Variants in FAM118A observed in about 807,000 individuals in gnomAD.
FAM118A encodes protein FAM118A.
Under a neutral mutation model 38.2 loss-of-function variants are expected in FAM118A, and 25 were observed. The observed-to-expected ratio is 0.65, with a 90% CI of 0.48 to 0.91. The LOEUF (loss-of-function observed/expected upper bound fraction) is 0.91. FAM118A is among the 40% of genes least tolerant of loss of function. The pLI is 0.00. For missense variants in FAM118A, 425 were observed against 463.3 expected (o/e 0.92, Z 0.76); for synonymous variants, 178 against 184.1 (o/e 0.97, Z 0.27).
At chr22:45,311,312 A>T (rs1358890003) in intron 1 of FAM118A, among the ~76,000 whole-genome samples, 1 of 152,126 alleles carries the variant, frequency 6.6e-6, no homozygotes, top group Non-Finnish European at 1.5e-5. Flanking sequence ...ACACCTAATG[A>T]AGGTGGCGTG....
intron 1 of FAM118A, among the ~76,000 whole-genome samples, chr22:45,320,378 A>G (rs1289346887): frequency 1.4e-5 from 2 of 147,718 alleles, no homozygotes; most frequent in Non-Finnish European, 3.0e-5. Context: ...GCGAGACTCC[A>G]TCAAAAAAAA....
intron 6 of FAM118A, among the ~76,000 whole-genome samples, chr22:45,333,833 C>T (rs1029478340): frequency 6.6e-6 from 1 of 152,090 alleles, no homozygotes; most frequent in Admixed American, 6.6e-5. Flanking sequence ...GAGGAAGACC[C>T]TGTCTCTAAA....
intron 1 of FAM118A, among the ~76,000 whole-genome samples, chr22:45,317,382 A>G (rs2084652547): frequency 6.6e-6 from 1 of 152,218 alleles, no homozygotes. Context: ...TCACTCTCAA[A>G]ACACACAGAA....
At position 45,340,699 on chromosome 22, in the gene FAM118A, C is replaced by T. The variant is rs1008545705; in HGVS notation, c.*294C>T. On this transcript the variant is annotated 3_prime_UTR_variant, in exon 9 of 9. Coordinates refer to ENST00000441876, the MANE Select transcript of FAM118A (RefSeq NM_017911.4). ...AGGGATGGACCTGGTGTTCCCGTTCCCATCTGACAGGCTCTCTTTTGTCAA... is the reference window on the plus strand; with the variant it reads ...AGGGATGGACCTGGTGTTCCCGTTCTCATCTGACAGGCTCTCTTTTGTCAA... 3.3e-4 allele frequency: 152 copies of T among 465,884 alleles called. 1 individual carries two copies. The highest frequency in any genetic ancestry group is 1.8e-4 in the Admixed American group (5 of 27,120). The allele number at this position is 465,884 out of a possible 1,614,324, so 28.9% of individuals were successfully genotyped here.
intron 1 of FAM118A, among the ~76,000 whole-genome samples, chr22:45,314,855 C>T (rs1035779432): frequency 2.6e-5 from 4 of 152,160 alleles, no homozygotes; most frequent in African/African-American, 9.7e-5. Context: ...AGTAAAATAT[C>T]AGGTATATTT....
chr22:45,310,021 C>T lies in FAM118A; in HGVS notation c.-172C>T, dbSNP rs1042828220. ...GCTCCGACTCCGGCTCTCGCTCTCG[C>T]TTCTAGCCCGCGTGCCTGCGCAGTC... On this transcript the variant is annotated 5_prime_UTR_variant, in exon 1 of 9. Coordinates refer to ENST00000441876, the MANE Select transcript of FAM118A (RefSeq NM_017911.4). The T allele has an allele frequency of 6.6e-6, 1 of 152,230 alleles. No homozygotes were observed. The highest frequency in any genetic ancestry group is 1.5e-5 in the Non-Finnish European group (1 of 68,060). The allele number at this position is 152,230 out of a possible 1,614,324, so 9.4% of individuals were successfully genotyped here. A position where few individuals can be genotyped will look rare whatever the true frequency, so the allele number is the denominator to read the frequency against.
At chr22:45,325,816 C>T (rs1253914843) in intron 3 of FAM118A, among the ~76,000 whole-genome samples, 2 of 152,198 alleles carry the variant, frequency 1.3e-5, no homozygotes, top group Admixed American at 6.5e-5. Context: ...TGGAGAGACT[C>T]AGCCCTCACC....
chr22:45,312,960 G>A (rs182146539), intron 1 of FAM118A, among the ~76,000 whole-genome samples: 2 of 152,212 alleles, frequency 1.3e-5, no homozygotes, highest in Admixed American at 6.5e-5. Context: ...GGTGATCAAC[G>A]TAATCTTTAG....
chr22:45,333,925 T>C (rs1307429861), intron 6 of FAM118A, among the ~76,000 whole-genome samples: 1 of 152,224 alleles, frequency 6.6e-6, no homozygotes, highest in East Asian at 1.9e-4. Context: ...TCAGGTTTCC[T>C]TAACCAAGAA....
chr22:45,340,084 G>T (rs545007263), intron 8 of FAM118A, among the ~76,000 whole-genome samples: 10 of 152,342 alleles, frequency 6.6e-5, no homozygotes, highest in Admixed American at 5.9e-4. Context: ...CTCACTGTAT[G>T]TTTGTTGAAA....
chr22:45,333,372 T>G (rs890199780), intron 6 of FAM118A, among the ~76,000 whole-genome samples: 4 of 151,378 alleles, frequency 2.6e-5, no homozygotes, highest in African/African-American at 9.7e-5. Flanking sequence ...CAAAAATGTT[T>G]TTAAAAATTA....
At chr22:45,335,507 C>A in intron 7 of FAM118A, 125 bp downstream of exon 7, 2 of 1,084,802 alleles carry the variant, frequency 1.8e-6, no homozygotes, top group Non-Finnish European at 2.7e-6. Flanking sequence ...ATTAAAACAG[C>A]CCCACTGAAG....
intron 8 of FAM118A, among the ~76,000 whole-genome samples, chr22:45,339,858 G>C (rs1024788093): frequency 2.0e-5 from 3 of 152,158 alleles, no homozygotes; most frequent in Non-Finnish European, 4.4e-5. Context: ...TTGGGCAGGG[G>C]TTTTCTTCAA....
At chr22:45,323,718 T>C (rs1029913751) in intron 3 of FAM118A, among the ~76,000 whole-genome samples, 4 of 152,234 alleles carry the variant, frequency 2.6e-5, no homozygotes, top group African/African-American at 9.6e-5. Context: ...AACTTTGTGA[T>C]TGTATATTCA....
At chr22:45,322,085 C>G in intron 1 of FAM118A, 1 of 944,032 alleles carries the variant, frequency 1.1e-6, no homozygotes, top group Non-Finnish European at 1.5e-6. Context: ...TCGGAGCCCA[C>G]AGAGCCCATC....
chr22:45,338,902 G>C (rs1313380486), intron 8 of FAM118A, among the ~76,000 whole-genome samples: 1 of 152,212 alleles, frequency 6.6e-6, no homozygotes, highest in East Asian at 1.9e-4. Flanking sequence ...CTTAGTGAGT[G>C]CAAATTTAGT....
chr22:45,332,463 G>C lies in FAM118A; in HGVS notation c.690G>C (p.Leu230=), dbSNP rs753503009. The change falls in exon 6 of 9, where the codon CTG becomes CTC. Residue 230 remains leucine (L), a synonymous_variant. Coordinates refer to ENST00000441876, the MANE Select transcript of FAM118A (RefSeq NM_017911.4). ...ACTTATACCGCACCAAGTCCTTTCTGTTTGTGGGCTGTGGGGAGACCCTTC... is the reference window on the plus strand; with the variant it reads ...ACTTATACCGCACCAAGTCCTTTCTCTTTGTGGGCTGTGGGGAGACCCTTC... ...LQNLYRTKSF[L]FVGCGETLRD... The C allele has an allele frequency of 4.3e-6, 7 of 1,614,034 alleles. No homozygotes were observed. The highest frequency in any genetic ancestry group is 3.4e-6 in the Non-Finnish European group (4 of 1,180,040).
rs780355445 is a variant in FAM118A, at chr22:45,327,839, T to G, written c.301-3T>G. On this transcript the variant is annotated splice_polypyrimidine_tract_variant and splice_region_variant and intron_variant, in intron 3 of 8. Transcript: ENST00000441876. The stretch of plus-strand genomic sequence containing the variant: ...TGGTAACTGTCGTTCCACCTTTTTG[T>G]AGCGCACAGGCGATGCCAAGCCCAG... The G allele has an allele frequency of 6.2e-7, 1 of 1,614,092 alleles. No individual in the cohort carries two copies. The highest frequency in any genetic ancestry group is 8.5e-7 in the Non-Finnish European group (1 of 1,180,024).
At chr22:45,329,193 C>G (rs2085527669) in intron 4 of FAM118A, 1 of 152,208 alleles carries the variant, frequency 6.6e-6, no homozygotes, top group Admixed American at 6.5e-5. Flanking sequence ...ATAAATAACA[C>G]TACAGGGTCC....
Sources: allele counts gnomAD v4.1 joint callset (sites outside exome capture counted in the v4.1 genomes callset), GRCh38; gene constraint gnomAD v4.1.1; transcripts MANE v1.5; gene names NCBI Gene and HGNC (gene_info 2026-07-23, HGNC 2026-07-21).